Variants in DYNC2H1 observed in about 807,000 individuals in gnomAD.
DYNC2H1 encodes the protein cytoplasmic dynein 2 heavy chain 1.
Under a neutral mutation model 570.0 loss-of-function variants are expected in DYNC2H1, and 410 were observed. The ratio of observed to expected loss-of-function variants is 0.72; its 90% CI spans 0.66 to 0.78. The LOEUF is 0.78. Ranked by LOEUF, DYNC2H1 falls within the 30% of genes least tolerant of loss-of-function variation. The probability of loss-of-function intolerance (pLI) is 0.00; values close to 1 mark genes in which losing one functional copy is unlikely to be tolerated. For synonymous variants in DYNC2H1, 1,688 were observed against 1,677.6 expected, an observed-to-expected ratio of 1.01 and a Z score of -0.15; for missense variants, 4,865 against 5,046.4, an observed-to-expected ratio of 0.96 and a Z score of 1.09.
chr11:103,221,386 C>T, intron 57 of DYNC2H1, among the ~76,000 whole-genome samples: 1 of 152,156 alleles, frequency 6.6e-6, no homozygotes. Context: ...GTTGACAGAG[C>T]ACTTTAAGTT....
Position 103,363,655 on chromosome 11 carries a change from A to G in DYNC2H1, c.12156+5296A>G, listed in dbSNP as rs1181981692. Among the ~76,000 whole-genome samples the G allele has an allele frequency of 6.6e-6, 1 of 152,200 alleles. No individual in the cohort carries two copies. The highest frequency in any genetic ancestry group is 2.4e-5 in the African/African-American group (1 of 41,456). On this transcript the variant is annotated intron_variant, in intron 83 of 88. Transcript: ENST00000375735. The surrounding 1 kb of genome is among the most constrained non-coding windows in gnomAD (Gnocchi z 5.6). The stretch of plus-strand genomic sequence containing the variant: ...ATTAGGAAAAACTACCATCATGTTG[A>G]AACTGGAATATGGAGATCCTGAAAT...
chr11:103,258,139 A>G (rs560729158), intron 69 of DYNC2H1, among the ~76,000 whole-genome samples: 2 of 152,304 alleles, frequency 1.3e-5, no homozygotes, highest in South Asian at 4.1e-4. Context: ...TTTCCAGATA[A>G]TGGAGGTACA....
Position 103,307,730 on chromosome 11 carries a change from A to T in DYNC2H1, c.11392A>T (p.Thr3798Ser). 1 of 1,579,484 alleles carries T rather than the reference A, an allele frequency of 6.3e-7. No individual in the cohort carries two copies. Residue 3798 changes from threonine to serine, a missense_variant, in exon 78 of 89, where the codon ACT (threonine) becomes TCT (serine). By Grantham distance (58) the Thr-to-Ser change is moderately conservative (BLOSUM62 1). Coordinates refer to ENST00000375735, the MANE Select transcript of DYNC2H1 (RefSeq NM_001377.3). ...TGGTTTTGTAAACAAGGAATTGAATACTCTTCAACCTAAAGATACCTTTCG... is the reference window on the plus strand; with the variant it reads ...TGGTTTTGTAAACAAGGAATTGAATTCTCTTCAACCTAAAGATACCTTTCG... ...WLPVLEKELNTLQPKDTFRLW... is the reference protein window; with the variant it reads ...WLPVLEKELNSLQPKDTFRLW...
At chr11:103,463,731 A>G (rs888247546) in intron 87 of DYNC2H1, among the ~76,000 whole-genome samples, 5 of 152,202 alleles carry the variant, frequency 3.3e-5, no homozygotes, top group African/African-American at 1.2e-4. Context: ...AGCCTGGGCA[A>G]TGGGAGTGAG....
rs547146835 is a variant in DYNC2H1 at position 103,208,051 on chromosome 11, G to C, written c.8455-1825G>C. On this transcript the variant is annotated intron_variant, in intron 52 of 88. Transcript: ENST00000375735. ...TAAGCTGGGAAGACAGGAATATAGT[G>C]ATAGAAGAATGGGATGTTTGAAAGT... Among the ~76,000 whole-genome samples the C allele has an allele frequency of 3.9e-5, 6 of 152,130 alleles. No homozygotes were observed. The South Asian group carries it at 1.2e-3, about 32-fold the overall frequency.
intron 18 of DYNC2H1, among the ~76,000 whole-genome samples, chr11:103,144,481 A>T (rs1416562955): frequency 1.3e-5 from 2 of 152,216 alleles, no homozygotes; most frequent in African/African-American, 4.8e-5. Context: ...CTTTGTTAGG[A>T]TAGTAACACT....
intron 9 of DYNC2H1, 66 bp downstream of exon 9, chr11:103,121,102 T>C: frequency 9.6e-7 from 1 of 1,041,464 alleles, no homozygotes. Flanking sequence ...TTTTTCTTCG[T>C]TGCATACCAT....
intron 62 of DYNC2H1, among the ~76,000 whole-genome samples, 178 bp downstream of exon 62, chr11:103,235,991 A>C (rs1350553110): frequency 6.6e-6 from 1 of 151,946 alleles, no homozygotes; most frequent in African/African-American, 2.4e-5. Flanking sequence ...GAATTCCACA[A>C]ATGTTCTTGA....
intron 84 of DYNC2H1, chr11:103,402,994 T>C (rs1942704867): frequency 6.6e-6 from 1 of 152,064 alleles, no homozygotes; most frequent in African/African-American, 2.4e-5. Flanking sequence ...TTGGTATAAA[T>C]GAGTAGGGTA....
chr11:103,458,920 C>T (rs1944893919), intron 87 of DYNC2H1, among the ~76,000 whole-genome samples: 1 of 152,110 alleles, frequency 6.6e-6, no homozygotes, highest in South Asian at 2.1e-4. Context: ...AATCCACCTT[C>T]CTCGGCCTCC....
chr11:103,431,200 CTCTA>C (rs1943878209), intron 84 of DYNC2H1, among the ~76,000 whole-genome samples: 1 of 139,368 alleles, frequency 7.2e-6, no homozygotes, highest in African/African-American at 2.7e-5. Flanking sequence ...GATTCAACTT[CTCTA>C]TCATTTAGTT....
chr11:103,116,672 CA>C lies in DYNC2H1; in HGVS notation c.725del (p.His242LeufsTer11). ...TGTGTGGAGACAAACAGAACATGATCATTATCCTGAGTCACGAATGTTGCAT... is the reference window on the plus strand; with the variant it reads ...TGTGTGGAGACAAACAGAACATGATCTTATCCTGAGTCACGAATGTTGCAT... ...DDVWRQTEHDHYPESRMLHLL... is the reference protein window; with the variant it reads ...DDVWRQTEHDXYPESRMLHLL... On this transcript the variant is annotated frameshift_variant, in exon 5 of 89. Coordinates refer to ENST00000375735, the MANE Select transcript of DYNC2H1 (RefSeq NM_001377.3). LOFTEE classifies it high-confidence loss of function. 6.2e-7 allele frequency: 1 copy of C among 1,606,566 alleles called. No individual in the cohort carries two copies. Among genetic ancestry groups the C allele is most frequent in the Non-Finnish European group, 8.5e-7 (1 of 1,175,834 alleles).
chr11:103,475,559 A>G (rs1235274642), intron 88 of DYNC2H1, among the ~76,000 whole-genome samples: 1 of 152,194 alleles, frequency 6.6e-6, no homozygotes, highest in Non-Finnish European at 1.5e-5. Context: ...GAGACTTAAG[A>G]GCAAGTGTAT....
intron 17 of DYNC2H1, among the ~76,000 whole-genome samples, chr11:103,141,274 G>C (rs1859909307): frequency 1.3e-5 from 2 of 152,200 alleles, no homozygotes. Context: ...TGGAGGAGGA[G>C]TGGCACTCTG....
At chr11:103,216,946 A>T (rs1000579023) in intron 55 of DYNC2H1, among the ~76,000 whole-genome samples, 3 of 152,136 alleles carry the variant, frequency 2.0e-5, no homozygotes, top group African/African-American at 7.2e-5. Context: ...ATTATTTAAG[A>T]CAGAACTTAT....
At chr11:103,456,196 G>T (rs1780757035) in intron 86 of DYNC2H1, 79 bp from the exon 87 acceptor site, 2 of 1,041,168 alleles carry the variant, frequency 1.9e-6, no homozygotes, top group South Asian at 1.8e-5. Flanking sequence ...TAAATAAATA[G>T]GACTATATCT....
Position 103,275,096 on chromosome 11 carries a change from A to C in DYNC2H1, c.10696-5252A>C, listed in dbSNP as rs1249301204. ...GCGACAGTGAGAGACTCCGTCTCAAAAATAAATAAATAAATAAATAAAATA... is the reference window on the plus strand; with the variant it reads ...GCGACAGTGAGAGACTCCGTCTCAACAATAAATAAATAAATAAATAAAATA... On this transcript the variant is annotated intron_variant, in intron 70 of 88. Coordinates refer to ENST00000375735, the MANE Select transcript of DYNC2H1 (RefSeq NM_001377.3). The surrounding 1 kb of genome is among the most constrained non-coding windows in gnomAD (Gnocchi z 4.8). Among the ~76,000 whole-genome samples, 1 of 140,902 alleles carries C rather than the reference A, an allele frequency of 7.1e-6. No individual in the cohort carries two copies. Among genetic ancestry groups the C allele is most frequent in the Non-Finnish European group, 1.5e-5 (1 of 67,924 alleles). The allele number at this position is 140,902 out of a possible 152,430, so 92.4% of individuals were successfully genotyped here. A position where few individuals can be genotyped will look rare whatever the true frequency, so the allele number is the denominator to read the frequency against.
intron 82 of DYNC2H1, among the ~76,000 whole-genome samples, chr11:103,348,386 AT>A (rs1304337126): frequency 6.6e-6 from 1 of 152,196 alleles, no homozygotes; most frequent in Non-Finnish European, 1.5e-5. Context: ...TTTTGAGGCT[AT>A]CGCCACAACA....
At chr11:103,351,788 G>A (rs1940069002) in intron 82 of DYNC2H1, among the ~76,000 whole-genome samples, 2 of 151,980 alleles carry the variant, frequency 1.3e-5, no homozygotes, top group African/African-American at 4.8e-5. Flanking sequence ...ACATTATTTG[G>A]AAAATGTTGC....
Sources: allele counts gnomAD v4.1 joint callset (sites outside exome capture counted in the v4.1 genomes callset), GRCh38; gene constraint gnomAD v4.1.1; non-coding constraint Gnocchi (gnomAD v3.1); transcripts MANE v1.5; gene names NCBI Gene and HGNC (gene_info 2026-07-23, HGNC 2026-07-21).